TAFA4: variants seen among roughly 807,000 people sequenced by gnomAD.
TAFA4 encodes TAFA chemokine like family member 4, also known as chemokine-like protein TAFA-4.
A neutral mutation model predicts 21.1 loss-of-function variants in TAFA4; 20 were observed. That is an observed-to-expected ratio of 0.95 (90% CI 0.67 to 1.38). The LOEUF is 1.38. Ranked by LOEUF, TAFA4 falls within the 40% of genes most tolerant of loss-of-function variation. The probability of loss-of-function intolerance (pLI) is 0.00; values close to 1 mark genes in which losing one functional copy is unlikely to be tolerated. For synonymous variants in TAFA4, 71 were observed against 67.4 expected (o/e 1.05, Z -0.26); for missense variants, 211 against 180.9 (o/e 1.17, Z -0.95).
At chr3:68,821,633 G>A (rs1299504826) in intron 3 of TAFA4, among the ~76,000 whole-genome samples, 1 of 150,028 alleles carries the variant, frequency 6.7e-6, no homozygotes, top group Admixed American at 6.6e-5. Flanking sequence ...TTTTTTAAGA[G>A]AAAACAAGTC....
intron 1 of TAFA4, among the ~76,000 whole-genome samples, chr3:68,930,282 CA>C (rs1358866420): frequency 6.6e-6 from 1 of 151,970 alleles, no homozygotes; most frequent in Non-Finnish European, 1.5e-5. Context: ...GAAAAATATC[CA>C]ATAATCAAGC....
chr3:68,918,327 T>C (rs1478558051), intron 1 of TAFA4, among the ~76,000 whole-genome samples: 2 of 152,158 alleles, frequency 1.3e-5, no homozygotes, highest in African/African-American at 4.8e-5. Flanking sequence ...TCAACCGTCA[T>C]CCTCTGACCC....
chr3:68,807,471 A>C (rs1703726903), intron 3 of TAFA4, among the ~76,000 whole-genome samples: 2 of 152,184 alleles, frequency 1.3e-5, no homozygotes, highest in African/African-American at 4.8e-5. Context: ...GTAGCTTGTC[A>C]CAAGAATTGG....
intron 3 of TAFA4, among the ~76,000 whole-genome samples, chr3:68,837,798 GATTTGTCAGCA>G (rs1704557398): frequency 6.6e-6 from 1 of 152,102 alleles, no homozygotes; most frequent in African/African-American, 2.4e-5. Context: ...ATCAATGGGA[GATTTGTCAGCA>G]ATAGTTTATA....
At chr3:68,749,964 T>C (rs139546766) in intron 4 of TAFA4, among the ~76,000 whole-genome samples, 6 of 152,212 alleles carry the variant, frequency 3.9e-5, no homozygotes, top group African/African-American at 1.4e-4. Context: ...CATAAATATA[T>C]AGAGAGGGAA....
At chr3:68,771,562 AT>A (rs1702957832) in intron 3 of TAFA4, among the ~76,000 whole-genome samples, 1 of 152,256 alleles carries the variant, frequency 6.6e-6, no homozygotes, top group Non-Finnish European at 1.5e-5. Context: ...AGGAGTAAAC[AT>A]TTCCAGATTA....
intron 3 of TAFA4, among the ~76,000 whole-genome samples, chr3:68,794,378 C>T (rs1441007760): frequency 6.6e-6 from 1 of 152,188 alleles, no homozygotes; most frequent in Admixed American, 6.5e-5. Context: ...TTGTATTTCA[C>T]TCATGTTAAA....
chr3:68,756,499 TC>T (rs1201954715), intron 3 of TAFA4, among the ~76,000 whole-genome samples: 3 of 152,222 alleles, frequency 2.0e-5, no homozygotes, highest in Non-Finnish European at 4.4e-5. Context: ...TTAAAAATAT[TC>T]CATGATTCAG....
chr3:68,910,151 T>C (rs903495083), intron 1 of TAFA4, among the ~76,000 whole-genome samples: 2 of 152,194 alleles, frequency 1.3e-5, no homozygotes, highest in Non-Finnish European at 2.9e-5. Context: ...CAGAGTTTTA[T>C]ATAACATAAT....
chr3:68,772,037 T>TA (rs1346467788), intron 3 of TAFA4, among the ~76,000 whole-genome samples: 1 of 152,092 alleles, frequency 6.6e-6, no homozygotes, highest in Non-Finnish European at 1.5e-5. Context: ...ATTTTTTTTT[T>TA]AATTCTGTAA....
chr3:68,861,038 C>A (rs959843518), intron 3 of TAFA4, among the ~76,000 whole-genome samples: 8 of 134,986 alleles, frequency 5.9e-5, no homozygotes, highest in South Asian at 3.0e-4. Flanking sequence ...GCACCCCCCC[C>A]CCGCCCCCAC....
At chr3:68,868,465 T>C (rs1253655811) in intron 3 of TAFA4, among the ~76,000 whole-genome samples, 2 of 151,996 alleles carry the variant, frequency 1.3e-5, no homozygotes, top group African/African-American at 4.8e-5. Flanking sequence ...CTCATCAGCA[T>C]ATGGAACATT....
At chr3:68,883,866 A>C (rs2089643515) in intron 2 of TAFA4, among the ~76,000 whole-genome samples, 1 of 152,046 alleles carries the variant, frequency 6.6e-6, no homozygotes, top group Non-Finnish European at 1.5e-5. Flanking sequence ...CCAGGAATTC[A>C]AGGCAGGAGC....
At chr3:68,743,291 C>T (rs182821581) in intron 4 of TAFA4, among the ~76,000 whole-genome samples, 1 of 152,038 alleles carries the variant, frequency 6.6e-6, no homozygotes, top group Non-Finnish European at 1.5e-5. Context: ...AAGTTATATT[C>T]TTGGCCAGGC....
chr3:68,771,073 G>A (rs1374938081), intron 3 of TAFA4, among the ~76,000 whole-genome samples: 1 of 152,020 alleles, frequency 6.6e-6, no homozygotes, highest in Non-Finnish European at 1.5e-5. Context: ...GCCCCTGGGT[G>A]GCCTGTGTCC....
intron 3 of TAFA4, among the ~76,000 whole-genome samples, chr3:68,781,474 G>T (rs1703152618): frequency 6.6e-6 from 1 of 151,894 alleles, no homozygotes; most frequent in Non-Finnish European, 1.5e-5. Flanking sequence ...GATAATAAAA[G>T]GAAAAATGGT....
intron 1 of TAFA4, chr3:68,913,583 C>A (rs552050461): frequency 9.8e-5 from 15 of 152,332 alleles, no homozygotes; most frequent in Admixed American, 9.1e-4. Context: ...AAAAGCAGAG[C>A]CTTTCAAGCT....
chr3:68,903,064 T>A (rs2089860018), intron 1 of TAFA4, among the ~76,000 whole-genome samples: 1 of 152,160 alleles, frequency 6.6e-6, no homozygotes, highest in South Asian at 2.1e-4. Context: ...CCCTCCCTCT[T>A]CTTGTTAACA....
At chr3:68,891,517 T>C (rs2089730678) in intron 1 of TAFA4, among the ~76,000 whole-genome samples, 1 of 152,190 alleles carries the variant, frequency 6.6e-6, no homozygotes, top group Non-Finnish European at 1.5e-5. Context: ...GTGCCTTCTG[T>C]ACTCAGCCCC....
Sources: allele counts gnomAD v4.1 joint callset (sites outside exome capture counted in the v4.1 genomes callset), GRCh38; gene constraint gnomAD v4.1.1; transcripts MANE v1.5; gene names NCBI Gene and HGNC (gene_info 2026-07-23, HGNC 2026-07-21).